Variants in ST18 observed in about 807,000 individuals in gnomAD.
ST18 encodes ST18 C2H2C-type zinc finger transcription factor.
A neutral mutation model predicts 110.0 loss-of-function variants in ST18; 50 were observed. The ratio of observed to expected loss-of-function variants is 0.45; its 90% confidence interval spans 0.36 to 0.58. The LOEUF is 0.58. Ranked by LOEUF, ST18 falls within the 20% of genes least tolerant of loss-of-function variation. The pLI is 0.00. For synonymous variants in ST18, 461 were observed against 452.4 expected (o/e 1.02, Z -0.24); for missense variants, 1,306 against 1,280.1 (o/e 1.02, Z -0.31).
intron 2 of ST18, among the ~76,000 whole-genome samples, chr8:52,286,713 A>G (rs955024466): frequency 4.6e-5 from 7 of 151,480 alleles, no homozygotes. Flanking sequence ...GTCTGACTCA[A>G]CAATTCATGC....
At chr8:52,165,288 C>A in intron 11 of ST18, 63 bp from the exon 12 acceptor site, 1 of 1,513,420 alleles carries the variant, frequency 6.6e-7, no homozygotes. Context: ...CACACTAACA[C>A]GTGTATCTCT....
At chr8:52,386,394 T>A (rs1836780192) in intron 2 of ST18, among the ~76,000 whole-genome samples, 2 of 152,188 alleles carry the variant, frequency 1.3e-5, no homozygotes, top group South Asian at 4.2e-4. Flanking sequence ...ATTGTTTTTA[T>A]TTCTATGTTT....
At chr8:52,128,279 A>T (rs554673225) in intron 22 of ST18, among the ~76,000 whole-genome samples, 40 of 152,296 alleles carry the variant, frequency 2.6e-4, no homozygotes, top group African/African-American at 9.4e-4. Context: ...GCAATTTTAA[A>T]TTATATCTTC....
intron 8 of ST18, chr8:52,201,437 TA>T (rs2077930846): frequency 1.3e-5 from 2 of 152,298 alleles, no homozygotes; most frequent in South Asian, 2.1e-4. Flanking sequence ...AGAATGCCCC[TA>T]GGGGCATGTT....
At chr8:52,163,707 G>A (rs1161874510) in intron 13 of ST18, among the ~76,000 whole-genome samples, 1 of 152,112 alleles carries the variant, frequency 6.6e-6, no homozygotes, top group Non-Finnish European at 1.5e-5. Flanking sequence ...ATTAATGTAG[G>A]CTATGGTATA....
intron 2 of ST18, among the ~76,000 whole-genome samples, chr8:52,332,596 T>C (rs1178100918): frequency 1.4e-5 from 2 of 141,644 alleles, no homozygotes; most frequent in Non-Finnish European, 3.0e-5. Context: ...CTCAAGCCTG[T>C]AATCCCAGCA....
chr8:52,364,675 T>G (rs191182678), intron 2 of ST18, among the ~76,000 whole-genome samples: 2 of 152,342 alleles, frequency 1.3e-5, no homozygotes, highest in African/African-American at 4.8e-5. Context: ...TAAGCAAGTT[T>G]AATCATCTTT....
chr8:52,172,908 A>G (rs1421454222), intron 9 of ST18, among the ~76,000 whole-genome samples: 5 of 152,222 alleles, frequency 3.3e-5, no homozygotes, highest in African/African-American at 1.2e-4. Context: ...AGAAGTAGAT[A>G]CTTAACAATA....
At chr8:52,247,773 G>T (rs918508413) in intron 2 of ST18, among the ~76,000 whole-genome samples, 1 of 152,076 alleles carries the variant, frequency 6.6e-6, no homozygotes, top group Admixed American at 6.5e-5. Flanking sequence ...CTTTTTCCAC[G>T]ATTTCTATCA....
chr8:52,311,431 T>C (rs2095906081), intron 2 of ST18, among the ~76,000 whole-genome samples: 1 of 152,206 alleles, frequency 6.6e-6, no homozygotes, highest in Non-Finnish European at 1.5e-5. Flanking sequence ...CCTGTGAGAC[T>C]TCCCCCTCTA....
In ST18 at chr8:52,150,070, C is replaced by A. The variant is rs185303887; in HGVS notation, c.1807-93G>T. 1.9e-5 allele frequency: 28 copies of A among 1,468,042 alleles called. No homozygotes were observed. The East Asian group carries it at 6.2e-4, about 32-fold the overall frequency. 90.9% of individuals were successfully genotyped at this position (1,468,042 alleles called of 1,614,324 possible). ...TTTAAGGGATCATTTTAAATGTAAG[C>A]TTTTATGTAAGTATATCTGCTTTTA... On this transcript the variant is annotated intron_variant, in intron 15 of 25. Transcript: ENST00000689386.
intron 2 of ST18, among the ~76,000 whole-genome samples, chr8:52,238,851 C>G (rs568891303): frequency 8.8e-6 from 1 of 114,048 alleles, no homozygotes; most frequent in Non-Finnish European, 1.7e-5. Context: ...ATGGGAGACT[C>G]GGAAGGGTGG....
chr8:52,268,629 T>C (rs73679005), intron 2 of ST18, among the ~76,000 whole-genome samples: 8,562 of 152,156 alleles, frequency 0.056, 806 homozygotes, highest in African/African-American at 0.2. Context: ...TTATAGGAAC[T>C]CTTGAAATGC....
At chr8:52,355,586 CA>C (rs1172569694) in intron 2 of ST18, among the ~76,000 whole-genome samples, 2 of 152,198 alleles carry the variant, frequency 1.3e-5, no homozygotes, top group Admixed American at 1.3e-4. Context: ...CTGTCAGAAT[CA>C]ACTTCTACAG....
At chr8:52,324,892 G>A (rs746197086) in intron 2 of ST18, among the ~76,000 whole-genome samples, 71 of 152,226 alleles carry the variant, frequency 4.7e-4, no homozygotes, top group Non-Finnish European at 2.2e-4. Context: ...CTTAATGCCC[G>A]GACATGTTGA....
chr8:52,176,280 C>T (rs2066931461), intron 9 of ST18, among the ~76,000 whole-genome samples: 1 of 152,156 alleles, frequency 6.6e-6, no homozygotes, highest in South Asian at 2.1e-4. Flanking sequence ...GCCTCGGCCT[C>T]CCAAAGTGCT....
chr8:52,368,828 T>G (rs1254258286), intron 2 of ST18, among the ~76,000 whole-genome samples: 1 of 152,132 alleles, frequency 6.6e-6, no homozygotes, highest in African/African-American at 2.4e-5. Context: ...AGGATAAATA[T>G]TAAGAAATTA....
At position 52,338,167 on chromosome 8, in the gene ST18, T is replaced by C. The variant is rs1174472778; in HGVS notation, c.-465+71161A>G. On this transcript the variant is annotated intron_variant, in intron 2 of 25. Transcript: ENST00000689386. Reference sequence around the variant, plus strand: ...TCCAACTCCTGTGTACAAGCAATTATCCTGCCTCAGCCTCCTGAGTAGCTG... The same window carrying C: ...TCCAACTCCTGTGTACAAGCAATTACCCTGCCTCAGCCTCCTGAGTAGCTG... Among the ~76,000 whole-genome samples the C allele has an allele frequency of 2.6e-5, 4 of 152,172 alleles. No homozygotes were observed. In the South Asian group the frequency reaches 6.2e-4, roughly 24 times the overall value.
At position 52,233,556 on chromosome 8, in the gene ST18, A is replaced by T. The variant is rs140315989; in HGVS notation, c.-464-3479T>A. On this transcript the variant is annotated intron_variant, in intron 2 of 25. Transcript: ENST00000689386. ...TCCTAATTGATCCCTCTCTCCTTGG[A>T]TGGCTTTCAAGAGTTACAGTGATTC... is the stretch of plus-strand genomic sequence containing the variant. 3.3e-3 allele frequency among the ~76,000 whole-genome samples: 498 copies of T among 152,294 alleles called. 3 individuals carry two copies. Among genetic ancestry groups the T allele is most frequent in the African/African-American group, 9.6e-3 (399 of 41,546 alleles).
Sources: gnomAD v4.1 joint callset for allele counts (sites outside exome capture counted in the v4.1 genomes callset) on GRCh38, gnomAD v4.1.1 for gene constraint, MANE v1.5 for transcripts, NCBI Gene and HGNC (gene_info 2026-07-23, HGNC 2026-07-21) for gene names.